COL19A1: variants seen among roughly 807,000 people sequenced by gnomAD.
The protein encoded by COL19A1 is collagen alpha-1(XIX) chain.
COL19A1 carries 159 observed loss-of-function variants against 190.2 expected under a neutral mutation model. The observed-to-expected ratio is 0.84, with a 90% confidence interval of 0.73 to 0.95. The LOEUF (loss-of-function observed/expected upper bound fraction) is 0.95. Among genes scored for constraint, COL19A1 ranks in the 40% least tolerant of loss-of-function variants. The pLI, the probability that COL19A1 is intolerant of heterozygous loss-of-function variation, is 0.00. For synonymous variants in COL19A1, 509 were observed against 458.9 expected (o/e 1.11, Z -1.39); for missense variants, 1,418 against 1,431.9 (o/e 0.99, Z 0.16).
intron 12 of COL19A1, among the ~76,000 whole-genome samples, chr6:70,028,214 A>G (rs191098567): frequency 4.5e-4 from 69 of 152,300 alleles, no homozygotes; most frequent in African/African-American, 1.5e-3. Context: ...GAAAGGCCAG[A>G]TGGTTGAAGC....
chr6:70,081,971 G>A (rs887763018), intron 15 of COL19A1, among the ~76,000 whole-genome samples: 1 of 152,122 alleles, frequency 6.6e-6, no homozygotes, highest in Non-Finnish European at 1.5e-5. Flanking sequence ...GAAGTTTCTA[G>A]AGATTGTTAC....
chr6:69,883,726 T>A (rs983599834), intron 2 of COL19A1, among the ~76,000 whole-genome samples: 2 of 152,190 alleles, frequency 1.3e-5, no homozygotes, highest in Non-Finnish European at 2.9e-5. Context: ...TGTTTTTGTA[T>A]TACCCAAGGA....
At chr6:70,091,648 A>G (rs1222702297) in intron 15 of COL19A1, among the ~76,000 whole-genome samples, 2 of 152,204 alleles carry the variant, frequency 1.3e-5, no homozygotes, top group African/African-American at 4.8e-5. Flanking sequence ...CATATGTACT[A>G]GATGTAGCAG....
intron 14 of COL19A1, among the ~76,000 whole-genome samples, chr6:70,053,278 A>C (rs1780309895): frequency 1.3e-5 from 2 of 152,218 alleles, no homozygotes; most frequent in Non-Finnish European, 2.9e-5. Context: ...ACTTGAAAAT[A>C]ACATTCTGAT....
intron 20 of COL19A1, 75 bp from the exon 21 acceptor site, chr6:70,141,818 T>C: frequency 1.0e-6 from 1 of 956,612 alleles, no homozygotes. Context: ...TAGTAGAAAT[T>C]CAATTAAAGT....
intron 14 of COL19A1, among the ~76,000 whole-genome samples, chr6:70,056,798 A>G (rs1780527748): frequency 6.6e-6 from 1 of 152,102 alleles, no homozygotes. Context: ...TTATTACAGC[A>G]TGGAGCATTT....
chr6:69,960,114 T>C, intron 10 of COL19A1, 74 bp downstream of exon 10: 1 of 1,390,872 alleles, frequency 7.2e-7, no homozygotes, highest in Non-Finnish European at 1.0e-6. Flanking sequence ...CATAATATTC[T>C]GAAATTGTAT....
chr6:70,057,074 C>T (rs1411073235), intron 14 of COL19A1, among the ~76,000 whole-genome samples: 1 of 152,080 alleles, frequency 6.6e-6, no homozygotes, highest in East Asian at 1.9e-4. Flanking sequence ...CCCATTGTTC[C>T]AAAAACATTG....
At chr6:70,085,844 T>C (rs1782553603) in intron 15 of COL19A1, among the ~76,000 whole-genome samples, 1 of 152,290 alleles carries the variant, frequency 6.6e-6, no homozygotes, top group African/African-American at 2.4e-5. Context: ...CATTTAAAAA[T>C]TGTTATTGTG....
chr6:69,990,360 A>G (rs1164862665), intron 11 of COL19A1, among the ~76,000 whole-genome samples: 1 of 152,110 alleles, frequency 6.6e-6, no homozygotes, highest in East Asian at 1.9e-4. Flanking sequence ...AAATTTTTAA[A>G]CATAACTTTT....
At chr6:70,018,935 G>A (rs903198124) in intron 11 of COL19A1, among the ~76,000 whole-genome samples, 1 of 152,200 alleles carries the variant, frequency 6.6e-6, no homozygotes. Flanking sequence ...TGCCAGGGCT[G>A]AACAAACTCT....
intron 7 of COL19A1, among the ~76,000 whole-genome samples, chr6:69,935,678 A>T (rs1773053743): frequency 6.6e-6 from 1 of 151,556 alleles, no homozygotes. Flanking sequence ...TTTTATTGTA[A>T]TTATCAAAGA....
chr6:70,058,035 C>G (rs1049679056), intron 14 of COL19A1, among the ~76,000 whole-genome samples: 1 of 152,022 alleles, frequency 6.6e-6, no homozygotes, highest in African/African-American at 2.4e-5. Context: ...ATGAGAAGTA[C>G]AGATATCACA....
chr6:69,878,213 T>G (rs1768265857), intron 1 of COL19A1, among the ~76,000 whole-genome samples: 1 of 150,968 alleles, frequency 6.6e-6, no homozygotes, highest in Non-Finnish European at 1.5e-5. Context: ...TTATTTCTTT[T>G]ATTTATTTAT....
rs144634926 is a variant in COL19A1, at chr6:69,914,151, G to A, written c.267-13758G>A. Among the ~76,000 whole-genome samples, 636 of 152,200 alleles carry A rather than the reference G, an allele frequency of 4.2e-3. 1 individual carries two copies. Among genetic ancestry groups the A allele is most frequent in the Non-Finnish European group, 7.3e-3 (495 of 68,010 alleles). On this transcript the variant is annotated intron_variant, in intron 4 of 50. Coordinates refer to ENST00000620364, the MANE Select transcript of COL19A1 (RefSeq NM_001858.6). The stretch of plus-strand genomic sequence containing the variant: ...TGAACTAGTGCTAATCAGATCAGGC[G>A]TGAGATTGTTAGAGGGTCATCCAAG...
chr6:69,870,045 A>G (rs1451895689), intron 1 of COL19A1, among the ~76,000 whole-genome samples: 2 of 152,214 alleles, frequency 1.3e-5, no homozygotes, highest in African/African-American at 4.8e-5. Context: ...GCTTTCTTTT[A>G]GTAATTTTTA....
At chr6:70,187,735 G>A (rs903408809) in intron 46 of COL19A1, among the ~76,000 whole-genome samples, 1 of 152,024 alleles carries the variant, frequency 6.6e-6, no homozygotes, top group Admixed American at 6.5e-5. Flanking sequence ...CAGACCTCAA[G>A]TGACAGCTGG....
In COL19A1 at chr6:69,921,395, C is replaced by CATATATATCAT. The variant is rs374740274; in HGVS notation, c.267-6508_267-6507insATCATATATAT. Among the ~76,000 whole-genome samples, 359 of 80,248 alleles carry CATATATATCAT rather than the reference C, an allele frequency of 4.5e-3. 16 individuals carry two copies. In the Middle Eastern group the frequency reaches 0.062, roughly 14 times the overall value. The allele number at this position is 80,248 out of a possible 152,430, so 52.6% of individuals were successfully genotyped here. On this transcript the variant is annotated intron_variant, in intron 4 of 50. Coordinates refer to ENST00000620364, the MANE Select transcript of COL19A1 (RefSeq NM_001858.6). ...TATATATCATATATATCATATATAT[C>CATATATATCAT]ATATATCATATATATCATATATCAT...
At chr6:70,070,005 TA>T (rs1781452967) in intron 15 of COL19A1, among the ~76,000 whole-genome samples, 1 of 152,150 alleles carries the variant, frequency 6.6e-6, no homozygotes, top group African/African-American at 2.4e-5. Context: ...CAACCCTGTG[TA>T]ACACCAGCCT....
Sources: gnomAD v4.1 joint callset for allele counts (sites outside exome capture counted in the v4.1 genomes callset) on GRCh38, gnomAD v4.1.1 for gene constraint, MANE v1.5 for transcripts, NCBI Gene and HGNC (gene_info 2026-07-23, HGNC 2026-07-21) for gene names.